The following TMEM232 variants were observed in gnomAD, a reference collection of about 807,000 sequenced individuals.
The protein encoded by TMEM232 is transmembrane protein 232.
Under a neutral mutation model 78.8 loss-of-function variants are expected in TMEM232, and 80 were observed. The observed-to-expected ratio is 1.01, with a 90% CI of 0.85 to 1.22. TMEM232 has a LOEUF of 1.22. Among genes scored for constraint, TMEM232 ranks in the 50% most tolerant of loss-of-function variants. TMEM232 has a pLI of 0.00. For missense variants in TMEM232, 881 were observed against 742.2 expected, an observed-to-expected ratio of 1.19 and a Z score of -2.17; for synonymous variants, 297 against 254.3, an observed-to-expected ratio of 1.17 and a Z score of -1.60.
intron 2 of TMEM232, among the ~76,000 whole-genome samples, chr5:110,733,556 A>G (rs1452057828): frequency 6.6e-6 from 1 of 152,232 alleles, no homozygotes; most frequent in African/African-American, 2.4e-5. Flanking sequence ...GCTGGAGGCC[A>G]TTATCCTTAG....
At position 110,667,340 on chromosome 5, in the gene TMEM232, C is replaced by T. The variant is rs1210959797; in HGVS notation, c.13G>A (p.Val5Ile). The T allele has an allele frequency of 6.6e-7, 1 of 1,511,650 alleles. No homozygotes were observed. The highest frequency in any genetic ancestry group is 1.3e-5 in the South Asian group (1 of 78,064). 93.6% of individuals were successfully genotyped at this position (1,511,650 alleles called of 1,614,324 possible). Reference sequence around the variant, plus strand: ...GTATTAATCATAGGTGATTTGTTAACAGGCATATTCATAAATCATAAATTC... The same window carrying T: ...GTATTAATCATAGGTGATTTGTTAATAGGCATATTCATAAATCATAAATTC... Reference protein sequence around the residue: MNMPVNKSPMINTCG... With the variant: MNMPINKSPMINTCG... The change falls in exon 2 of 14, where the codon GTT becomes ATT. Residue 5 changes from valine to isoleucine, a missense_variant. Coordinates refer to ENST00000455884, the MANE Select transcript of TMEM232 (RefSeq NM_001039763.4).
At chr5:110,624,938 A>C (rs1454308942) in intron 7 of TMEM232, among the ~76,000 whole-genome samples, 1 of 152,116 alleles carries the variant, frequency 6.6e-6, no homozygotes, top group African/African-American at 2.4e-5. Context: ...AAAATAATAA[A>C]TAAGTTTAAC....
chr5:110,438,460 C>CT (rs145788305), intron 12 of TMEM232, among the ~76,000 whole-genome samples: 3,754 of 151,884 alleles, frequency 0.025, 144 homozygotes, highest in African/African-American at 0.085. Context: ...AATTGTGATG[C>CT]TTTTTTTCAT....
At chr5:110,684,374 C>T (rs1793137794) in intron 1 of TMEM232, among the ~76,000 whole-genome samples, 2 of 151,924 alleles carry the variant, frequency 1.3e-5, no homozygotes, top group Admixed American at 6.6e-5. Context: ...ACAATTAATA[C>T]AGAAAAGTTA....
rs371178989 is a variant in TMEM232, at chr5:110,511,738, C to T, written c.1703+16850G>A. ...AAAGTCACTTAGCTATAGTACTTCA[C>T]GTCTCTGATTATGTCACAACCTCAA... On this transcript the variant is annotated intron_variant, in intron 12 of 13. Transcript: ENST00000455884. Among the ~76,000 whole-genome samples the T allele has an allele frequency of 7.4e-4, 113 of 152,264 alleles. 2 individuals carry two copies. The South Asian group carries it at 0.021, about 28-fold the overall frequency.
chr5:110,412,858 A>T (rs11743286), intron 2 of TMEM232, among the ~76,000 whole-genome samples: 1,696 of 152,296 alleles, frequency 0.011, 18 homozygotes, highest in South Asian at 0.031. Context: ...CTAAACTTTC[A>T]GTGTATTAAA....
intron 12 of TMEM232, among the ~76,000 whole-genome samples, chr5:110,432,450 T>A (rs1164578351): frequency 6.6e-6 from 1 of 151,504 alleles, no homozygotes; most frequent in Admixed American, 6.6e-5. Context: ...ATTCATCACA[T>A]CTTAACTGGC....
chr5:110,710,171 A>C (rs2150310246), intron 1 of TMEM232, among the ~76,000 whole-genome samples: 1 of 152,266 alleles, frequency 6.6e-6, no homozygotes, highest in Admixed American at 6.5e-5. Flanking sequence ...TAGAGGAAGT[A>C]AATTGCTAAA....
intron 7 of TMEM232, among the ~76,000 whole-genome samples, chr5:110,619,968 G>A (rs1027548867): frequency 1.1e-4 from 17 of 151,690 alleles, no homozygotes; most frequent in African/African-American, 2.2e-4. Flanking sequence ...GGAGTGACTC[G>A]AATGGTTAAT....
chr5:110,584,012 T>C (rs1778517020), intron 10 of TMEM232, among the ~76,000 whole-genome samples: 1 of 149,582 alleles, frequency 6.7e-6, no homozygotes, highest in Admixed American at 6.7e-5. Context: ...TCGGCAGGGT[T>C]GTGAGGAAAT....
chr5:110,636,755 T>C (rs1436858480), intron 5 of TMEM232, among the ~76,000 whole-genome samples: 1 of 151,964 alleles, frequency 6.6e-6, no homozygotes, highest in African/African-American at 2.4e-5. Context: ...CTTAGGATAG[T>C]TGTGAGAATA....
At chr5:110,683,427 G>T (rs408158) in intron 1 of TMEM232, among the ~76,000 whole-genome samples, 109,488 of 151,322 alleles carry the variant, frequency 0.72, 41,735 homozygotes, top group South Asian at 0.86. Flanking sequence ...TATATATATA[G>T]AGAGAGAGTA....
At chr5:110,613,766 T>C (rs1471932006) in intron 8 of TMEM232, among the ~76,000 whole-genome samples, 2 of 152,148 alleles carry the variant, frequency 1.3e-5, no homozygotes, top group African/African-American at 2.4e-5. Flanking sequence ...TCTAGAAATA[T>C]AAAATCATTT....
At chr5:110,604,518 T>G (rs569528879) in intron 10 of TMEM232, among the ~76,000 whole-genome samples, 7 of 152,082 alleles carry the variant, frequency 4.6e-5, no homozygotes, top group African/African-American at 1.7e-4. Context: ...ATAAATCCTA[T>G]GGGGAACAAA....
At position 110,640,348 on chromosome 5, in the gene TMEM232, T is replaced by C. The variant is rs544936857; in HGVS notation, c.343+543A>G. On this transcript the variant is annotated intron_variant, in intron 4 of 13. Transcript: ENST00000455884. ...CTAAAACTACTTTAAAAGGCATATA[T>C]ATACAATTAAATGATAGTGATGGAA... 2.0e-5 allele frequency among the ~76,000 whole-genome samples: 3 copies of C among 152,272 alleles called. No homozygotes were observed. The East Asian group carries it at 5.8e-4, about 29-fold the overall frequency.
intron 1 of TMEM232, among the ~76,000 whole-genome samples, chr5:110,673,755 A>C (rs536213779): frequency 6.6e-6 from 1 of 152,324 alleles, no homozygotes. Flanking sequence ...GTCCTAATAA[A>C]TGAAGAAAAG....
Position 110,545,577 on chromosome 5 carries a change from T to C in TMEM232, c.1456-16742A>G, listed in dbSNP as rs1219008087. 1.3e-5 allele frequency among the ~76,000 whole-genome samples: 2 copies of C among 151,982 alleles called. 1 individual carries two copies. Among genetic ancestry groups the C allele is most frequent in the Non-Finnish European group, 2.9e-5 (2 of 67,930 alleles). On this transcript the variant is annotated intron_variant, in intron 11 of 13. Transcript: ENST00000455884. ...TATTTATGTCAAAAGTAAAGCCACATGTGGAGAAGGAGAGAAATAGGCACT... is the reference window on the plus strand; with the variant it reads ...TATTTATGTCAAAAGTAAAGCCACACGTGGAGAAGGAGAGAAATAGGCACT...
intron 2 of TMEM232, among the ~76,000 whole-genome samples, chr5:110,655,251 G>T (rs1390256171): frequency 6.6e-6 from 1 of 151,834 alleles, no homozygotes; most frequent in South Asian, 2.1e-4. Context: ...CAAAGGATAT[G>T]AACAGACACT....
intron 10 of TMEM232, among the ~76,000 whole-genome samples, chr5:110,597,444 T>TA (rs1249072008): frequency 6.6e-6 from 1 of 152,136 alleles, no homozygotes; most frequent in Non-Finnish European, 1.5e-5. Flanking sequence ...CTGCCCAAGG[T>TA]AATTTATAGA....
Sources: allele counts gnomAD v4.1 joint callset (sites outside exome capture counted in the v4.1 genomes callset), GRCh38; gene constraint gnomAD v4.1.1; transcripts MANE v1.5; gene names NCBI Gene and HGNC (gene_info 2026-07-23, HGNC 2026-07-21).